Variants in PRKN observed in about 807,000 individuals in gnomAD.
PRKN encodes the protein parkin RBR E3 ubiquitin protein ligase, also known as E3 ubiquitin-protein ligase parkin.
Under a neutral mutation model 59.5 loss-of-function variants are expected in PRKN, and 56 were observed. The observed-to-expected ratio is 0.94, with a 90% CI of 0.76 to 1.18. The LOEUF is 1.18. Ranked by LOEUF, PRKN falls within the 50% of genes most tolerant of loss-of-function variation. The pLI, the probability that PRKN is intolerant of heterozygous loss-of-function variation, is 0.00. For synonymous variants in PRKN, 250 were observed against 222.1 expected, an observed-to-expected ratio of 1.13 and a Z score of -1.12; for missense variants, 657 against 596.4, an observed-to-expected ratio of 1.10 and a Z score of -1.06.
intron 1 of PRKN, among the ~76,000 whole-genome samples, chr6:162,468,343 C>G (rs1057351570): frequency 6.6e-6 from 1 of 152,148 alleles, no homozygotes; most frequent in Non-Finnish European, 1.5e-5. Flanking sequence ...CCAGAAAGAT[C>G]TTTGTTCATT....
At chr6:162,492,577 T>C (rs1463466408) in intron 1 of PRKN, among the ~76,000 whole-genome samples, 3 of 152,146 alleles carry the variant, frequency 2.0e-5, no homozygotes, top group Admixed American at 6.6e-5. Flanking sequence ...GGCAGGTGGA[T>C]TGCCTGAGGT....
chr6:162,414,136 T>C (rs1788491199), intron 2 of PRKN, among the ~76,000 whole-genome samples: 1 of 151,958 alleles, frequency 6.6e-6, no homozygotes, highest in African/African-American at 2.4e-5. Flanking sequence ...TGAGCTGAAA[T>C]CATGCCACTG....
chr6:161,892,185 G>A (rs894919292), intron 6 of PRKN, among the ~76,000 whole-genome samples: 15 of 152,096 alleles, frequency 9.9e-5, no homozygotes, highest in Non-Finnish European at 1.5e-4. Flanking sequence ...TATAATCCCA[G>A]TGCTTTGGGA....
intron 1 of PRKN, among the ~76,000 whole-genome samples, chr6:162,481,675 T>C (rs891830804): frequency 6.6e-6 from 1 of 152,148 alleles, no homozygotes; most frequent in Non-Finnish European, 1.5e-5. Flanking sequence ...AATCTATTAG[T>C]CCTAAGCCAT....
intron 2 of PRKN, among the ~76,000 whole-genome samples, chr6:162,335,550 T>C (rs570539037): frequency 1.3e-5 from 2 of 152,340 alleles, no homozygotes; most frequent in East Asian, 3.9e-4. Context: ...TTTCTAAATA[T>C]ACCTTTTGTT....
At chr6:162,501,634 GTGTGAGCCACCGCGCCCGGCCATGC>G (rs1185058750) in intron 1 of PRKN, among the ~76,000 whole-genome samples, 4 of 151,828 alleles carry the variant, frequency 2.6e-5, no homozygotes, top group African/African-American at 9.7e-5. Context: ...GGGATTACAG[GTGTGAGCCACCGCGCCCGGCCATGC>G]TCCTAAAACT....
chr6:161,868,838 C>G (rs1037921403), intron 6 of PRKN, among the ~76,000 whole-genome samples: 2 of 152,158 alleles, frequency 1.3e-5, no homozygotes, highest in Non-Finnish European at 2.9e-5. Context: ...TCATCAAAAG[C>G]ACTTGTCAGG....
At chr6:162,156,347 A>G (rs1340134518) in intron 4 of PRKN, among the ~76,000 whole-genome samples, 1 of 152,204 alleles carries the variant, frequency 6.6e-6, no homozygotes, top group Non-Finnish European at 1.5e-5. Flanking sequence ...CACGATCACA[A>G]GGTGAAATCC....
chr6:162,119,454 C>T (rs1272179491), intron 4 of PRKN, among the ~76,000 whole-genome samples: 2 of 152,162 alleles, frequency 1.3e-5, no homozygotes, highest in Non-Finnish European at 2.9e-5. Flanking sequence ...ACTACTTTTC[C>T]CAAAATGTTT....
Position 161,545,108 on chromosome 6 carries a change from G to A in PRKN, c.1083+3746C>T. The stretch of plus-strand genomic sequence containing the variant: ...ACAATTTTAAATCCCACAAATGACA[G>A]AGAATTTGGTTTTCAACTTTTTTAT... On this transcript the variant is annotated intron_variant, in intron 9 of 11. Transcript: ENST00000366898. This position sits in a 1 kb window ranked among gnomAD's most constrained non-coding sequence, Gnocchi z 4.1. 2 of 1,233,958 alleles carry A rather than the reference G, an allele frequency of 1.6e-6. No individual in the cohort carries two copies. Among genetic ancestry groups the A allele is most frequent in the Non-Finnish European group, 2.0e-6 (2 of 979,452 alleles). 76.4% of individuals were successfully genotyped at this position (1,233,958 alleles called of 1,614,324 possible). A position where few individuals can be genotyped will look rare whatever the true frequency, so the allele number is the denominator to read the frequency against.
At chr6:161,782,902 AAATT>A (rs1229817061) in intron 7 of PRKN, among the ~76,000 whole-genome samples, 1 of 152,160 alleles carries the variant, frequency 6.6e-6, no homozygotes, top group Admixed American at 6.5e-5. Flanking sequence ...TCAAAAAAAT[AAATT>A]AATTAATTAA....
Position 161,378,006 on chromosome 6 carries a change from G to A in PRKN, c.1167+8788C>T, listed in dbSNP as rs986513775. 1.3e-5 allele frequency among the ~76,000 whole-genome samples: 2 copies of A among 152,132 alleles called. No individual in the cohort carries two copies. Among genetic ancestry groups the A allele is most frequent in the African/African-American group, 2.4e-5 (1 of 41,416 alleles). On this transcript the variant is annotated intron_variant, in intron 10 of 11. Transcript: ENST00000366898. The surrounding 1 kb of genome is among the most constrained non-coding windows in gnomAD (Gnocchi z 7.3). ...CAGCAGCTGACAGTGGACTGTGTGTGGAAAGGAAAGAGTCCTGAGTTAGGA... is the reference window on the plus strand; with the variant it reads ...CAGCAGCTGACAGTGGACTGTGTGTAGAAAGGAAAGAGTCCTGAGTTAGGA...
At chr6:161,764,480 A>G (rs1364009324) in intron 7 of PRKN, among the ~76,000 whole-genome samples, 1 of 152,216 alleles carries the variant, frequency 6.6e-6, no homozygotes, top group Non-Finnish European at 1.5e-5. Flanking sequence ...TATATCATTC[A>G]ACAGGATGCC....
At chr6:162,591,666 T>C (rs1379777303) in intron 1 of PRKN, among the ~76,000 whole-genome samples, 1 of 152,154 alleles carries the variant, frequency 6.6e-6, no homozygotes, top group Admixed American at 6.6e-5. Flanking sequence ...GGGGTTCACC[T>C]TGAGGTATTG....
chr6:161,454,208 A>T lies in PRKN; in HGVS notation c.1084-67331T>A, dbSNP rs1364522203. ...TCCCCTTGGGTCACAGAACGGCAGC[A>T]TGGGTTCTATAGGTCGGGGTGGCAT... On this transcript the variant is annotated intron_variant, in intron 9 of 11. Transcript: ENST00000366898. The surrounding 1 kb of genome is among the most constrained non-coding windows in gnomAD (Gnocchi z 4.6). Among the ~76,000 whole-genome samples the T allele has an allele frequency of 6.6e-6, 1 of 152,158 alleles. No individual in the cohort carries two copies. Among genetic ancestry groups the T allele is most frequent in the Non-Finnish European group, 1.5e-5 (1 of 68,024 alleles).
chr6:162,338,599 C>T (rs1011444455), intron 2 of PRKN, among the ~76,000 whole-genome samples: 1 of 152,078 alleles, frequency 6.6e-6, no homozygotes, highest in Non-Finnish European at 1.5e-5. Context: ...TCTCGGCTCA[C>T]TACAACCTAC....
intron 6 of PRKN, among the ~76,000 whole-genome samples, chr6:161,956,677 G>C (rs1444618870): frequency 6.6e-6 from 1 of 151,986 alleles, no homozygotes; most frequent in Non-Finnish European, 1.5e-5. Context: ...CTCTCCATAT[G>C]GACTAGGAGT....
intron 4 of PRKN, among the ~76,000 whole-genome samples, chr6:162,121,679 C>T (rs1583063040): frequency 6.6e-6 from 1 of 152,132 alleles, no homozygotes; most frequent in South Asian, 2.1e-4. Flanking sequence ...GGTCCTGATA[C>T]AGACTAAACA....
intron 4 of PRKN, among the ~76,000 whole-genome samples, chr6:162,068,260 C>T (rs1031334621): frequency 9.1e-6 from 1 of 109,748 alleles, no homozygotes; most frequent in Non-Finnish European, 2.2e-5. Flanking sequence ...TCTTTATTAT[C>T]GACAGGTTTT....
Sources: gnomAD v4.1 joint callset for allele counts (sites outside exome capture counted in the v4.1 genomes callset) on GRCh38, gnomAD v4.1.1 for gene constraint, Gnocchi (gnomAD v3.1) non-coding constraint, MANE v1.5 for transcripts, NCBI Gene and HGNC (gene_info 2026-07-23, HGNC 2026-07-21) for gene names.